TMEM132D: variants seen among roughly 807,000 people sequenced by gnomAD.
TMEM132D encodes mature OL transmembrane protein.
A neutral mutation model predicts 62.3 loss-of-function variants in TMEM132D; 21 were observed. The ratio of observed to expected loss-of-function variants is 0.34; its 90% confidence interval spans 0.24 to 0.49. TMEM132D has a LOEUF of 0.49. TMEM132D is among the 20% of genes least tolerant of loss of function. TMEM132D has a pLI of 0.99. For missense variants in TMEM132D, 1,346 were observed against 1,402.8 expected (o/e 0.96, Z 0.65); for synonymous variants, 621 against 575.6 (o/e 1.08, Z -1.13).
intron 1 of TMEM132D, among the ~76,000 whole-genome samples, chr12:129,787,260 G>A (rs777458512): frequency 1.3e-5 from 2 of 152,130 alleles, no homozygotes; most frequent in South Asian, 2.1e-4. Context: ...AAGTCAGGAG[G>A]AAAGAGAGAC....
At position 129,413,196 on chromosome 12, in the gene TMEM132D, T is replaced by C. The variant is rs574263643; in HGVS notation, c.1116-75379A>G. On this transcript the variant is annotated intron_variant, in intron 3 of 8. Coordinates refer to ENST00000422113, the MANE Select transcript of TMEM132D (RefSeq NM_133448.3). ...TTGTAACTCCCATAATTTCCTCATG[T>C]TGTGGGAGGGGCCTGGTGGGAGATA... 3.3e-5 allele frequency among the ~76,000 whole-genome samples: 5 copies of C among 152,292 alleles called. No homozygotes were observed. The East Asian group carries it at 9.6e-4, about 29-fold the overall frequency.
intron 5 of TMEM132D, among the ~76,000 whole-genome samples, chr12:129,100,370 G>A (rs1205339062): frequency 6.6e-6 from 1 of 152,188 alleles, no homozygotes; most frequent in African/African-American, 2.4e-5. Flanking sequence ...TGAAGGTCAA[G>A]GTGACCCCAG....
intron 1 of TMEM132D, among the ~76,000 whole-genome samples, chr12:129,712,085 G>T (rs978972826): frequency 6.6e-6 from 1 of 151,804 alleles, no homozygotes; most frequent in Non-Finnish European, 1.5e-5. Context: ...AAGCTACTCC[G>T]CACAATATGT....
At chr12:129,895,953 CTCTG>C (rs60135237) in intron 1 of TMEM132D, among the ~76,000 whole-genome samples, 71,530 of 140,644 alleles carry the variant, frequency 0.51, 20,045 homozygotes, top group East Asian at 0.67. Flanking sequence ...AATTTGATTT[CTCTG>C]TCTCTCTTTT....
chr12:129,184,311 C>T (rs981992815), intron 5 of TMEM132D, among the ~76,000 whole-genome samples: 3 of 152,326 alleles, frequency 2.0e-5, no homozygotes, highest in African/African-American at 7.2e-5. Flanking sequence ...ACACAGAAAT[C>T]GGTCACCTTC....
chr12:129,548,640 T>G (rs1185467969), intron 2 of TMEM132D, among the ~76,000 whole-genome samples: 1 of 152,128 alleles, frequency 6.6e-6, no homozygotes, highest in African/African-American at 2.4e-5. Context: ...CTGCTGAAAC[T>G]TACAGAGCTC....
intron 5 of TMEM132D, among the ~76,000 whole-genome samples, chr12:129,124,040 G>C (rs1277300422): frequency 1.3e-5 from 2 of 152,140 alleles, no homozygotes; most frequent in South Asian, 2.1e-4. Context: ...CTCCCCATCT[G>C]TCTATCTATG....
intron 4 of TMEM132D, among the ~76,000 whole-genome samples, chr12:129,289,547 T>TAAAAAAAAAAAAAAAAA (rs59709658): frequency 2.2e-5 from 2 of 92,158 alleles, no homozygotes; most frequent in African/African-American, 3.8e-5. Flanking sequence ...TCCATCTCAA[T>TAAAAAAAAAAAAAAAAA]AAAAAAAAAA....
At chr12:129,639,382 TAAA>T (rs34476667) in intron 2 of TMEM132D, among the ~76,000 whole-genome samples, 83 of 90,510 alleles carry the variant, frequency 9.2e-4, no homozygotes, top group African/African-American at 3.2e-3. Flanking sequence ...GACTCTGTCT[TAAA>T]AAAAAAAAAA....
chr12:129,569,089 G>A (rs155698), intron 2 of TMEM132D, among the ~76,000 whole-genome samples: 60,183 of 151,986 alleles, frequency 0.4, 11,974 homozygotes, highest in East Asian at 0.49. Flanking sequence ...ATATCTTAGT[G>A]TGAGATAACA....
chr12:129,850,013 T>C (rs1283194313), intron 1 of TMEM132D, among the ~76,000 whole-genome samples: 1 of 152,226 alleles, frequency 6.6e-6, no homozygotes, highest in African/African-American at 2.4e-5. Context: ...GCAATAGTCT[T>C]CCATTTGGTA....
rs142760677 is a variant in TMEM132D at position 129,506,057 on chromosome 12, T to A, written c.1115+25002A>T. Among the ~76,000 whole-genome samples the A allele has an allele frequency of 1.2e-4, 19 of 152,352 alleles. No individual in the cohort carries two copies. The East Asian group carries it at 3.5e-3, about 28-fold the overall frequency. On this transcript the variant is annotated intron_variant, in intron 3 of 8. Coordinates refer to ENST00000422113, the MANE Select transcript of TMEM132D (RefSeq NM_133448.3). ...ATTGAGATGTGAGGTTCTATTCTATTCATCATGCTATTTGTTGCCTGAATA... is the reference window on the plus strand; with the variant it reads ...ATTGAGATGTGAGGTTCTATTCTATACATCATGCTATTTGTTGCCTGAATA...
At chr12:129,161,429 C>T (rs75334555) in intron 5 of TMEM132D, among the ~76,000 whole-genome samples, 4,100 of 152,210 alleles carry the variant, frequency 0.027, 201 homozygotes, top group African/African-American at 0.095. Context: ...GTATCGTAAC[C>T]GACTTATCTC....
chr12:129,769,177 G>A (rs566462003), intron 1 of TMEM132D, among the ~76,000 whole-genome samples: 40 of 152,036 alleles, frequency 2.6e-4, no homozygotes, highest in African/African-American at 8.9e-4. Context: ...CCTAGGTCCC[G>A]GTATTAGTCT....
chr12:129,151,156 C>T lies in TMEM132D; in HGVS notation c.1443+58364G>A, dbSNP rs535856994. Among the ~76,000 whole-genome samples, 5 of 152,276 alleles carry T rather than the reference C, an allele frequency of 3.3e-5. No homozygotes were observed. The East Asian group carries it at 7.7e-4, about 24-fold the overall frequency. On this transcript the variant is annotated intron_variant, in intron 5 of 8. Transcript: ENST00000422113. ...AAGAGAAGACTATCGAAGCCTTTGT[C>T]CTAATGCAGGGCATGGACTATGTTG...
chr12:129,799,736 T>C (rs77814023), intron 1 of TMEM132D, among the ~76,000 whole-genome samples: 4 of 152,236 alleles, frequency 2.6e-5, no homozygotes, highest in Non-Finnish European at 1.5e-5. Context: ...GCTTTGGTAC[T>C]GGGGAGTAGC....
intron 3 of TMEM132D, among the ~76,000 whole-genome samples, chr12:129,381,043 C>G (rs949010198): frequency 2.8e-4 from 42 of 152,232 alleles, no homozygotes; most frequent in African/African-American, 9.1e-4. Context: ...AATCAAAGAC[C>G]TCCTTCAAGC....
intron 2 of TMEM132D, among the ~76,000 whole-genome samples, chr12:129,587,199 C>T (rs571751430): frequency 2.0e-5 from 3 of 152,224 alleles, no homozygotes; most frequent in Non-Finnish European, 4.4e-5. Flanking sequence ...CCATGGAATA[C>T]TATGCAGCCA....
At chr12:129,354,629 G>A (rs1398660860) in intron 3 of TMEM132D, among the ~76,000 whole-genome samples, 10 of 151,918 alleles carry the variant, frequency 6.6e-5, no homozygotes, top group Admixed American at 6.6e-4. Context: ...GTCTTTATTG[G>A]GTATTTTTTT....
Sources: allele counts gnomAD v4.1 joint callset (sites outside exome capture counted in the v4.1 genomes callset), GRCh38; gene constraint gnomAD v4.1.1; transcripts MANE v1.5; gene names NCBI Gene and HGNC (gene_info 2026-07-23, HGNC 2026-07-21).